Variants in FMO4 observed in about 807,000 individuals in gnomAD.
FMO4 encodes the protein dimethylaniline monooxygenase [N-oxide-forming] 4.
In FMO4, 38 loss-of-function variants were observed where a neutral mutation model predicts 43.3. The ratio of observed to expected loss-of-function variants is 0.88; its 90% confidence interval spans 0.68 to 1.15. FMO4 has a LOEUF of 1.15. Among genes scored for constraint, FMO4 ranks in the 50% most tolerant of loss-of-function variants. The pLI, the probability that FMO4 is intolerant of heterozygous loss-of-function variation, is 0.00. For synonymous variants in FMO4, 224 were observed against 232.2 expected, an observed-to-expected ratio of 0.96 and a Z score of 0.32; for missense variants, 631 against 663.3, an observed-to-expected ratio of 0.95 and a Z score of 0.54.
At chr1:171,326,094 T>C (rs1400232057) in intron 5 of FMO4, among the ~76,000 whole-genome samples, 2 of 152,008 alleles carry the variant, frequency 1.3e-5, no homozygotes, top group Non-Finnish European at 2.9e-5. Context: ...GGGATCCACC[T>C]GCTTTGGCCT....
Position 171,341,562 on chromosome 1 carries a change from CT to C in FMO4, c.1401del (p.Pro468LeufsTer20). The C allele has an allele frequency of 1.2e-6, 2 of 1,614,074 alleles. No homozygotes were observed. Among genetic ancestry groups the C allele is most frequent in the Non-Finnish European group, 1.7e-6 (2 of 1,179,992 alleles). On this transcript the variant is annotated frameshift_variant, in exon 10 of 10. Coordinates refer to ENST00000367749, the MANE Select transcript of FMO4 (RefSeq NM_002022.3). LOFTEE classifies it low-confidence loss of function (END_TRUNC). Reference sequence around the variant, plus strand: ...TGGGAAGTTTTCTTTGGACCATGTACTCCTTATCAGTACCGCCTCATGGGCC... The same window carrying C: ...TGGGAAGTTTTCTTTGGACCATGTACCCTTATCAGTACCGCCTCATGGGCC... Reference protein sequence around the residue: ...LAWEVFFGPCTPYQYRLMGPG... With the variant: ...LAWEVFFGPCXPYQYRLMGPG...
At position 171,324,208 on chromosome 1, in the gene FMO4, CAG is replaced by C; in HGVS notation, c.395_396del (p.Glu132GlyfsTer5). ...GGTCAGTGGGATGTTGTCACAGAGA[CAG>C]AGGGCAAGCAAAATAGAGCTGTCTT... is the stretch of plus-strand genomic sequence containing the variant. On this transcript the variant is annotated frameshift_variant, in exon 5 of 10. Coordinates refer to ENST00000367749, the MANE Select transcript of FMO4 (RefSeq NM_002022.3). LOFTEE classifies it high-confidence loss of function. 1 of 1,613,818 alleles carries C rather than the reference CAG, an allele frequency of 6.2e-7. No individual in the cohort carries two copies. Among genetic ancestry groups the C allele is most frequent in the Non-Finnish European group, 8.5e-7 (1 of 1,179,810 alleles).
chr1:171,328,116 CTGCGACCTCCACCTCCCAGGTTCA>C (rs1314780867), intron 5 of FMO4, among the ~76,000 whole-genome samples: 1 of 152,128 alleles, frequency 6.6e-6, no homozygotes, highest in Non-Finnish European at 1.5e-5. Flanking sequence ...TCTCAGCTTG[CTGCGACCTCCACCTCCCAGGTTCA>C]AGCAATTCTC....
intron 5 of FMO4, among the ~76,000 whole-genome samples, chr1:171,330,468 AAAG>A (rs1258919347): frequency 6.6e-6 from 1 of 152,228 alleles, no homozygotes; most frequent in Non-Finnish European, 1.5e-5. Flanking sequence ...TTCATAAAGG[AAAG>A]AAGTTTAATT....
intron 3 of FMO4, among the ~76,000 whole-genome samples, chr1:171,320,824 T>A (rs1275923522): frequency 1.3e-5 from 2 of 149,326 alleles, no homozygotes; most frequent in East Asian, 3.9e-4. Context: ...AAAAATAAAA[T>A]GAAAAACAAA....
At chr1:171,328,309 C>A (rs575341840) in intron 5 of FMO4, among the ~76,000 whole-genome samples, 39 of 152,224 alleles carry the variant, frequency 2.6e-4, no homozygotes, top group Admixed American at 1.5e-3. Flanking sequence ...TCCTAAAGTG[C>A]TGGAATTACA....
chr1:171,341,391 C>T, intron 9 of FMO4, 22 bp from the exon 10 acceptor site: 1 of 1,589,976 alleles, frequency 6.3e-7, no homozygotes, highest in Non-Finnish European at 8.6e-7. Context: ...AATGAAAGGT[C>T]CTCCCTCTTT....
intron 2 of FMO4, among the ~76,000 whole-genome samples, chr1:171,317,994 C>T (rs1052039433): frequency 5.3e-5 from 8 of 152,114 alleles, no homozygotes; most frequent in African/African-American, 1.9e-4. Flanking sequence ...AATAGTAATA[C>T]CACAGATTGA....
chr1:171,315,651 C>T (rs1662168351), intron 1 of FMO4, among the ~76,000 whole-genome samples: 1 of 152,176 alleles, frequency 6.6e-6, no homozygotes, highest in Admixed American at 6.5e-5. Flanking sequence ...TCACTACCTT[C>T]CTCTACTGAC....
At position 171,319,817 on chromosome 1, in the gene FMO4, G is replaced by C. The variant is rs780585481; in HGVS notation, c.-8-1G>C. 6.2e-7 allele frequency: 1 copy of C among 1,613,598 alleles called. No homozygotes were observed. Among genetic ancestry groups the C allele is most frequent in the Non-Finnish European group, 8.5e-7 (1 of 1,179,652 alleles). Reference sequence around the variant, plus strand: ...AGTTCTGCTTGACTTTCCTCTAACAGAGCATACCATGGCCAAGAAAGTTGC... The same window carrying C: ...AGTTCTGCTTGACTTTCCTCTAACACAGCATACCATGGCCAAGAAAGTTGC... On this transcript the variant is annotated splice_acceptor_variant, in intron 2 of 9. Coordinates refer to ENST00000367749, the MANE Select transcript of FMO4 (RefSeq NM_002022.3). LOFTEE classifies it low-confidence loss of function (5UTR_SPLICE).
chr1:171,324,386 C>G, intron 5 of FMO4, 86 bp downstream of exon 5: 1 of 1,045,058 alleles, frequency 9.6e-7, no homozygotes, highest in Non-Finnish European at 1.4e-6. Context: ...AAATACCGCC[C>G]CATGATTATA....
At chr1:171,323,473 G>A (rs914209225) in intron 4 of FMO4, among the ~76,000 whole-genome samples, 7 of 152,098 alleles carry the variant, frequency 4.6e-5, no homozygotes, top group African/African-American at 1.4e-4. Flanking sequence ...AGACCAGTAT[G>A]GCCAACATGG....
chr1:171,339,333 G>A (rs1241374765), intron 9 of FMO4, among the ~76,000 whole-genome samples: 1 of 152,110 alleles, frequency 6.6e-6, no homozygotes, highest in Non-Finnish European at 1.5e-5. Flanking sequence ...TATTTATGGA[G>A]AAAAAGCAGC....
intron 2 of FMO4, among the ~76,000 whole-genome samples, chr1:171,318,044 G>A (rs899831804): frequency 2.6e-5 from 4 of 152,098 alleles, no homozygotes; most frequent in Admixed American, 6.6e-5. Context: ...GGCCGGGCAC[G>A]GTGGCTTACG....
In FMO4 at chr1:171,319,900, C is replaced by A; in HGVS notation, c.75C>A (p.Asp25Glu). The A allele has an allele frequency of 6.2e-7, 1 of 1,613,778 alleles. No homozygotes were observed. The highest frequency in any genetic ancestry group is 8.5e-7 in the Non-Finnish European group (1 of 1,179,772). Reference sequence around the variant, plus strand: ...CCATCAAATGCTGTGTGGATGAGGACCTGGAGCCCACCTGCTTTGAGAGAA... The same window carrying A: ...CCATCAAATGCTGTGTGGATGAGGAACTGGAGCCCACCTGCTTTGAGAGAA... ...LSSIKCCVDE[D>E]LEPTCFERSD... is the part of the protein sequence containing the mutation. Residue 25 changes from aspartate (D) to glutamate (E), a missense_variant, in exon 3 of 10, where the codon GAC becomes GAA. Coordinates refer to ENST00000367749, the MANE Select transcript of FMO4 (RefSeq NM_002022.3).
intron 5 of FMO4, among the ~76,000 whole-genome samples, chr1:171,328,203 G>C (rs186315153): frequency 3.1e-4 from 47 of 151,620 alleles, no homozygotes; most frequent in African/African-American, 1.1e-3. Context: ...ACCACACCCA[G>C]ATAATTTTTT....
At chr1:171,337,504 T>C in intron 9 of FMO4, 79 bp downstream of exon 9, 1 of 985,782 alleles carries the variant, frequency 1.0e-6, no homozygotes, top group Non-Finnish European at 1.6e-6. Context: ...TAAAAGCCAT[T>C]CCTAGAGAAG....
chr1:171,330,530 C>T (rs781258496), intron 5 of FMO4, among the ~76,000 whole-genome samples: 12 of 152,134 alleles, frequency 7.9e-5, no homozygotes, highest in South Asian at 2.1e-4. Context: ...TTGGCAGAAG[C>T]GAAGGAAGAG....
Position 171,332,918 on chromosome 1 carries a change from T to G in FMO4, c.827+10T>G. 1 of 1,113,930 alleles carries G rather than the reference T, an allele frequency of 9.0e-7. No individual in the cohort carries two copies. Among genetic ancestry groups the G allele is most frequent in the Non-Finnish European group, 1.4e-6 (1 of 733,554 alleles). The allele number at this position is 1,113,930 out of a possible 1,614,324, so 69.0% of individuals were successfully genotyped here. A position where few individuals can be genotyped will look rare whatever the true frequency, so the allele number is the denominator to read the frequency against. ...TAAGTATTACCAAAGGGTACTTACATTTTTTATTTAGTAGAAAAAATATTA... is the reference window on the plus strand; with the variant it reads ...TAAGTATTACCAAAGGGTACTTACAGTTTTTATTTAGTAGAAAAAATATTA... On this transcript the variant is annotated intron_variant, in intron 7 of 9. Transcript: ENST00000367749.
Sources: gnomAD v4.1 joint callset for allele counts (sites outside exome capture counted in the v4.1 genomes callset) on GRCh38, gnomAD v4.1.1 for gene constraint, MANE v1.5 for transcripts, NCBI Gene and HGNC (gene_info 2026-07-23, HGNC 2026-07-21) for gene names.